The following STK10 variants were observed in gnomAD, a reference collection of about 807,000 sequenced individuals.
The protein encoded by STK10 is serine/threonine-protein kinase 10.
A neutral mutation model predicts 113.8 loss-of-function variants in STK10; 78 were observed. That is an observed-to-expected ratio of 0.69 (90% CI 0.57 to 0.83). The LOEUF is 0.83. Ranked by LOEUF, STK10 falls within the 40% of genes least tolerant of loss-of-function variation. The probability of loss-of-function intolerance (pLI) is 0.00; values close to 1 mark genes in which losing one functional copy is unlikely to be tolerated. For synonymous variants in STK10, 465 were observed against 494.7 expected, an observed-to-expected ratio of 0.94 and a Z score of 0.80; for missense variants, 1,109 against 1,280.1, an observed-to-expected ratio of 0.87 and a Z score of 2.04.
intron 1 of STK10, among the ~76,000 whole-genome samples, chr5:172,179,797 CCCAT>C (rs1309724311): frequency 6.6e-6 from 1 of 152,190 alleles, no homozygotes; most frequent in Non-Finnish European, 1.5e-5. Flanking sequence ...TGAGACCTTC[CCCAT>C]CCCCAGAGGA....
At chr5:172,132,855 A>C (rs1769784424) in intron 2 of STK10, among the ~76,000 whole-genome samples, 1 of 152,176 alleles carries the variant, frequency 6.6e-6, no homozygotes, top group South Asian at 2.1e-4. Flanking sequence ...CCCTGCCCCA[A>C]AATCACCAGC....
chr5:172,170,485 G>A (rs1039313601), intron 1 of STK10, among the ~76,000 whole-genome samples: 2 of 152,166 alleles, frequency 1.3e-5, no homozygotes, highest in Non-Finnish European at 2.9e-5. Flanking sequence ...GACATGTAAG[G>A]ATGGCAAAGA....
intron 1 of STK10, among the ~76,000 whole-genome samples, chr5:172,162,071 T>C (rs1770482181): frequency 6.6e-6 from 1 of 152,206 alleles, no homozygotes; most frequent in South Asian, 2.1e-4. Context: ...CCGGGCGCAG[T>C]GGCTCACGAT....
At position 172,130,463 on chromosome 5, in the gene STK10, G is replaced by A. The variant is rs556010644; in HGVS notation, c.322-3042C>T. ...GGAGAATCACTTGAACCCAGGAGGC[G>A]GAGGCTGCAGTGAGCGGAGATCACA... is the stretch of plus-strand genomic sequence containing the variant. On this transcript the variant is annotated intron_variant, in intron 2 of 18. Coordinates refer to ENST00000176763, the MANE Select transcript of STK10 (RefSeq NM_005990.4). Among the ~76,000 whole-genome samples, 385 of 151,944 alleles carry A rather than the reference G, an allele frequency of 2.5e-3. 3 individuals carry two copies. Among genetic ancestry groups the A allele is most frequent in the African/African-American group, 8.9e-3 (368 of 41,402 alleles).
In STK10 at chr5:172,064,474, A is replaced by AG. The variant is rs199942453; in HGVS notation, c.2082+245dup. ...AGGTAGGAGGTGCTAAGGGTTTGGG[A>AG]GGTGGTCAATGTAAAGTGTTGGGGT... On this transcript the variant is annotated intron_variant, in intron 13 of 18. Coordinates refer to ENST00000176763, the MANE Select transcript of STK10 (RefSeq NM_005990.4). 4.3e-3 allele frequency: 2,444 copies of AG among 571,346 alleles called. 44 individuals carry two copies. Among genetic ancestry groups the AG allele is most frequent in the African/African-American group, 0.04 (2,155 of 53,312 alleles). 35.4% of individuals were successfully genotyped at this position (571,346 alleles called of 1,614,324 possible).
chr5:172,062,563 C>A (rs1360984221), intron 13 of STK10, among the ~76,000 whole-genome samples: 1 of 152,120 alleles, frequency 6.6e-6, no homozygotes, highest in African/African-American at 2.4e-5. Flanking sequence ...TATTATTCAG[C>A]CTTAAAAAGG....
At chr5:172,077,061 G>A (rs73319868) in intron 12 of STK10, among the ~76,000 whole-genome samples, 3,407 of 151,678 alleles carry the variant, frequency 0.022, 148 homozygotes, top group African/African-American at 0.077. Context: ...AGTATCCCCC[G>A]AGGACATTCA....
At chr5:172,143,472 A>G (rs571801592) in intron 2 of STK10, among the ~76,000 whole-genome samples, 1 of 152,166 alleles carries the variant, frequency 6.6e-6, no homozygotes, top group South Asian at 2.1e-4. Context: ...GGATCCCCTC[A>G]CCTCCCTGGG....
intron 10 of STK10, among the ~76,000 whole-genome samples, chr5:172,083,772 G>T (rs1331882628): frequency 6.6e-6 from 1 of 151,960 alleles, no homozygotes; most frequent in Non-Finnish European, 1.5e-5. Flanking sequence ...GCTGGACATG[G>T]TGGCACACGC....
intron 7 of STK10, among the ~76,000 whole-genome samples, chr5:172,104,874 T>G (rs1447157500): frequency 1.3e-5 from 2 of 152,168 alleles, no homozygotes; most frequent in Non-Finnish European, 2.9e-5. Flanking sequence ...CACTACCCAC[T>G]AAAAACCCTA....
intron 12 of STK10, among the ~76,000 whole-genome samples, chr5:172,079,109 C>T (rs1768375288): frequency 6.6e-6 from 1 of 152,202 alleles, no homozygotes; most frequent in Non-Finnish European, 1.5e-5. Context: ...TATGTAAGGA[C>T]AGGATGTTAA....
intron 4 of STK10, among the ~76,000 whole-genome samples, chr5:172,110,355 C>T (rs926621303): frequency 3.3e-5 from 5 of 152,044 alleles, no homozygotes; most frequent in Non-Finnish European, 5.9e-5. Flanking sequence ...ATTATGTGCC[C>T]GACACTGTTC....
At chr5:172,144,069 T>A (rs1290990921) in intron 2 of STK10, among the ~76,000 whole-genome samples, 1 of 152,240 alleles carries the variant, frequency 6.6e-6, no homozygotes, top group Non-Finnish European at 1.5e-5. Flanking sequence ...GCGCTAAGTG[T>A]TTGATAAGCA....
chr5:172,140,227 CCA>C (rs1207137532), intron 2 of STK10, among the ~76,000 whole-genome samples: 1 of 152,108 alleles, frequency 6.6e-6, no homozygotes, highest in Non-Finnish European at 1.5e-5. Flanking sequence ...CAAATCAAAA[CCA>C]CAGTGAGATA....
chr5:172,058,711 G>A (rs562218000), intron 14 of STK10, among the ~76,000 whole-genome samples: 11 of 152,156 alleles, frequency 7.2e-5, no homozygotes, highest in African/African-American at 2.4e-4. Flanking sequence ...GCAAAATGGC[G>A]AAACCCAGTC....
At position 172,127,393 on chromosome 5, in the gene STK10, G is replaced by C. The variant is rs2113787800; in HGVS notation, c.350C>G (p.Ala117Gly). The C allele has an allele frequency of 6.2e-7, 1 of 1,613,810 alleles. No homozygotes were observed. Among genetic ancestry groups the C allele is most frequent in the East Asian group, 2.2e-5 (1 of 44,874 alleles). ...WIMIEFCPGG[A>G]VDAIMLELDR... ...CTCACCCAGCATGATGGCGTCCACG[G>C]CTCCCCCTGGACAGAACTCAATCAT... The change falls in exon 3 of 19, where the codon GCC (alanine) becomes GGC (glycine). Residue 117 changes from alanine (A) to glycine (G), a missense_variant. Ala to Gly is a moderately conservative substitution (Grantham distance 60). This residue lies in a region of STK10 where 120 missense variants were observed against 134.8 expected (regional missense o/e 0.89). Transcript: ENST00000176763.
Position 172,187,811 on chromosome 5 carries a change from G to T in STK10, c.156+76C>A. On this transcript the variant is annotated intron_variant, in intron 1 of 18. Coordinates refer to ENST00000176763, the MANE Select transcript of STK10 (RefSeq NM_005990.4). The surrounding 1 kb of genome is among the most constrained non-coding windows in gnomAD (Gnocchi z 4.6). ...AGCCCTCGGAGCCGGAGCCAGGCTG[G>T]CCGGGTCCGGCTCAGGCATCCCTTC... is the stretch of plus-strand genomic sequence containing the variant. The T allele has an allele frequency of 6.4e-7, 1 of 1,560,012 alleles. No homozygotes were observed.
intron 12 of STK10, among the ~76,000 whole-genome samples, chr5:172,080,958 T>C (rs1487463235): frequency 6.6e-6 from 1 of 152,204 alleles, no homozygotes; most frequent in Non-Finnish European, 1.5e-5. Context: ...GCTTCAAAGC[T>C]TCAAAGGACA....
At chr5:172,107,680 G>GGCTGACCGGGCAT in intron 5 of STK10, 100 bp downstream of exon 5, 1 of 783,404 alleles carries the variant, frequency 1.3e-6, no homozygotes, top group Non-Finnish European at 1.8e-6. Context: ...AGGGCGTGTA[G>GGCTGACCGGGCAT]CCCTTGTCTT....
Sources: gnomAD v4.1 joint callset for allele counts (sites outside exome capture counted in the v4.1 genomes callset) on GRCh38, gnomAD v4.1.1 for gene constraint, gnomAD v4.1.1 regional missense constraint, Gnocchi (gnomAD v3.1) non-coding constraint, MANE v1.5 for transcripts, NCBI Gene and HGNC (gene_info 2026-07-23, HGNC 2026-07-21) for gene names.